Variants in C14orf39 observed in about 807,000 individuals in gnomAD.
The protein encoded by C14orf39 is chromosome 14 open reading frame 39.
C14orf39 carries 66 observed loss-of-function variants against 85.6 expected under a neutral mutation model. The ratio of observed to expected loss-of-function variants is 0.77; its 90% CI spans 0.63 to 0.95. C14orf39 has a LOEUF of 0.95. Ranked by LOEUF, C14orf39 falls within the 40% of genes least tolerant of loss-of-function variation. C14orf39 has a pLI of 0.00. For synonymous variants in C14orf39, 242 were observed against 214.0 expected, an observed-to-expected ratio of 1.13 and a Z score of -1.14; for missense variants, 735 against 663.9, an observed-to-expected ratio of 1.11 and a Z score of -1.18.
At chr14:60,440,699 C>T (rs1381683438) in intron 17 of C14orf39, among the ~76,000 whole-genome samples, 9 of 152,130 alleles carry the variant, frequency 5.9e-5, no homozygotes, top group Admixed American at 3.3e-4. Flanking sequence ...GAAAAAAAAC[C>T]CTAAGTCCTT....
intron 15 of C14orf39, among the ~76,000 whole-genome samples, chr14:60,455,839 A>T (rs748281641): frequency 6.6e-6 from 1 of 152,140 alleles, no homozygotes; most frequent in Non-Finnish European, 1.5e-5. Flanking sequence ...AAATGTCTAG[A>T]GCAGTGCCTT....
upstream of C14orf39, among the ~76,000 whole-genome samples, chr14:60,490,060 C>A (rs990719630): frequency 2.0e-5 from 3 of 152,128 alleles, no homozygotes; most frequent in African/African-American, 7.2e-5. Context: ...TTTCTCCCAT[C>A]TCTCATAATT....
chr14:60,494,061 T>C (rs936251969), intron 2 of C14orf39: 1 of 273,284 alleles, frequency 3.7e-6, no homozygotes, highest in Non-Finnish European at 7.5e-6. Context: ...GGAGATTTCA[T>C]TGTTCTTCAT....
chr14:60,507,360 C>T (rs138361636), intron 1 of C14orf39, among the ~76,000 whole-genome samples: 95 of 152,266 alleles, frequency 6.2e-4, no homozygotes, highest in East Asian at 6.0e-3. Flanking sequence ...CCCTTGTATC[C>T]GATGTTTCTT....
intron 15 of C14orf39, among the ~76,000 whole-genome samples, chr14:60,456,207 A>G (rs957558761): frequency 1.3e-5 from 2 of 152,106 alleles, no homozygotes; most frequent in African/African-American, 4.8e-5. Flanking sequence ...GACTAAACAT[A>G]AAGGTTAAGT....
chr14:60,471,369 T>C, intron 7 of C14orf39, 48 bp downstream of exon 7: 3 of 1,337,946 alleles, frequency 2.2e-6, no homozygotes, highest in Non-Finnish European at 2.1e-6. Flanking sequence ...AAATACAAAA[T>C]AATGCTTATC....
intron 5 of C14orf39, among the ~76,000 whole-genome samples, chr14:60,472,704 T>C (rs1892158358): frequency 6.6e-6 from 1 of 152,190 alleles, no homozygotes. Flanking sequence ...GGTTTCCAGC[T>C]TCATCCTTGT....
In C14orf39 at chr14:60,484,831, C is replaced by T; in HGVS notation, c.106+50G>A. ...AAACAGAGCAATTGTATGTTATATG[C>T]CATAAGGAATTAAAAGACTAAAATA... is the stretch of plus-strand genomic sequence containing the variant. On this transcript the variant is annotated intron_variant, in intron 3 of 17. Transcript: ENST00000321731. This position sits in a 1 kb window ranked among gnomAD's most constrained non-coding sequence, Gnocchi z 4.2. 7.7e-7 allele frequency: 1 copy of T among 1,303,672 alleles called. No homozygotes were observed. The highest frequency in any genetic ancestry group is 1.1e-6 in the Non-Finnish European group (1 of 921,282). 80.8% of individuals were successfully genotyped at this position (1,303,672 alleles called of 1,614,324 possible).
At chr14:60,447,043 C>T (rs887429678) in intron 16 of C14orf39, among the ~76,000 whole-genome samples, 17 of 152,154 alleles carry the variant, frequency 1.1e-4, no homozygotes, top group East Asian at 7.7e-4. Context: ...ATTGATGGAA[C>T]GTATCTCAAA....
rs556798472 is a variant in C14orf39, at chr14:60,456,787, T to C, written c.1358+130A>G. The C allele has an allele frequency of 1.5e-4, 113 of 736,122 alleles. 1 individual carries two copies. The highest frequency in any genetic ancestry group is 1.3e-3 in the Middle Eastern group (3 of 2,394). The allele number at this position is 736,122 out of a possible 1,614,324, so 45.6% of individuals were successfully genotyped here. A position where few individuals can be genotyped will look rare whatever the true frequency, so the allele number is the denominator to read the frequency against. On this transcript the variant is annotated intron_variant, in intron 15 of 17. Transcript: ENST00000321731. ...GAGGTGTGTTATATTAGTCTTTCTC[T>C]TCTTTGCATGTCTGAAATACTACAT...
At chr14:60,492,329 A>T (rs1455732881) in intron 2 of C14orf39, among the ~76,000 whole-genome samples, 1 of 152,214 alleles carries the variant, frequency 6.6e-6, no homozygotes, top group Non-Finnish European at 1.5e-5. Flanking sequence ...ACACATGTAC[A>T]AAAGTGAATT....
At chr14:60,457,971 GTTTT>G (rs902137287) in intron 14 of C14orf39, among the ~76,000 whole-genome samples, 13 of 151,542 alleles carry the variant, frequency 8.6e-5, no homozygotes, top group Non-Finnish European at 1.3e-4. Flanking sequence ...TTTTGTATAT[GTTTT>G]TTTAATTTTT....
At chr14:60,466,814 T>C (rs757869733) in intron 10 of C14orf39, 103 bp downstream of exon 10, 37 of 880,126 alleles carry the variant, frequency 4.2e-5, no homozygotes, top group Non-Finnish European at 5.6e-5. Flanking sequence ...GTCTCCAGTA[T>C]TGTTTTTACT....
rs947510464 is a variant in C14orf39, at chr14:60,473,163, G to T, written c.324-1424C>A. Reference sequence around the variant, plus strand: ...CATTTCTCCGATGGCCAGTGATGATGAGCATTTTTTCATGTGTCTTTTGGC... The same window carrying T: ...CATTTCTCCGATGGCCAGTGATGATTAGCATTTTTTCATGTGTCTTTTGGC... On this transcript the variant is annotated intron_variant, in intron 5 of 17. Coordinates refer to ENST00000321731, the MANE Select transcript of C14orf39 (RefSeq NM_174978.3). Among the ~76,000 whole-genome samples, 5 of 152,306 alleles carry T rather than the reference G, an allele frequency of 3.3e-5. No individual in the cohort carries two copies. In the East Asian group the frequency reaches 9.6e-4, roughly 29 times the overall value.
At chr14:60,481,041 C>A (rs748849997) in intron 4 of C14orf39, among the ~76,000 whole-genome samples, 2 of 152,136 alleles carry the variant, frequency 1.3e-5, no homozygotes, top group Non-Finnish European at 2.9e-5. Context: ...TAGTGATCTA[C>A]TGCACCGTAT....
intron 1 of C14orf39, among the ~76,000 whole-genome samples, chr14:60,503,136 T>C (rs1048359213): frequency 6.6e-6 from 1 of 152,178 alleles, no homozygotes; most frequent in African/African-American, 2.4e-5. Context: ...GAGGCTGCAT[T>C]CAGTTCCATT....
intron 1 of C14orf39, among the ~76,000 whole-genome samples, chr14:60,501,118 A>G (rs1201793727): frequency 6.6e-6 from 1 of 152,012 alleles, no homozygotes; most frequent in Non-Finnish European, 1.5e-5. Flanking sequence ...CCTAGGCAAT[A>G]TAGAGAGACC....
At chr14:60,475,250 C>G (rs1484063146) in intron 5 of C14orf39, among the ~76,000 whole-genome samples, 1 of 151,910 alleles carries the variant, frequency 6.6e-6, no homozygotes. Context: ...GGTGATATCC[C>G]CTTTATCATC....
At chr14:60,480,206 G>C (rs4901984) in intron 4 of C14orf39, among the ~76,000 whole-genome samples, 96,050 of 151,972 alleles carry the variant, frequency 0.63, 31,396 homozygotes, top group Admixed American at 0.71. Context: ...CATATCACCT[G>C]AGGTCAGGAG....
Sources: gnomAD v4.1 joint callset for allele counts (sites outside exome capture counted in the v4.1 genomes callset) on GRCh38, gnomAD v4.1.1 for gene constraint, Gnocchi (gnomAD v3.1) non-coding constraint, MANE v1.5 for transcripts, NCBI Gene and HGNC (gene_info 2026-07-23, HGNC 2026-07-21) for gene names.